CCDC91: variants seen among roughly 807,000 people sequenced by gnomAD.
CCDC91 encodes the protein coiled-coil domain containing 91.
CCDC91 carries 48 observed loss-of-function variants against 63.2 expected under a neutral mutation model. That is an observed-to-expected ratio of 0.76 (90% CI 0.60 to 0.97). The LOEUF (loss-of-function observed/expected upper bound fraction) is 0.97, where lower values mean the gene tolerates loss of function less well. CCDC91 is among the 50% of genes least tolerant of loss of function. CCDC91 has a pLI of 0.00. For synonymous variants in CCDC91, 167 were observed against 165.8 expected, an observed-to-expected ratio of 1.01 and a Z score of -0.06; for missense variants, 500 against 494.6, an observed-to-expected ratio of 1.01 and a Z score of -0.10.
At chr12:28,367,854 T>C (rs1944373993) in intron 7 of CCDC91, among the ~76,000 whole-genome samples, 1 of 152,142 alleles carries the variant, frequency 6.6e-6, no homozygotes, top group South Asian at 2.1e-4. Context: ...CCCTCCATAA[T>C]GTAGGTGGGC....
At chr12:28,346,305 T>G (rs796968420) in intron 6 of CCDC91, among the ~76,000 whole-genome samples, 7 of 152,330 alleles carry the variant, frequency 4.6e-5, no homozygotes, top group African/African-American at 1.7e-4. Context: ...GCCTTGACTT[T>G]TAGAAGTGTT....
chr12:28,274,282 C>A (rs548462582), intron 3 of CCDC91, among the ~76,000 whole-genome samples: 26 of 152,062 alleles, frequency 1.7e-4, no homozygotes, highest in Non-Finnish European at 3.4e-4. Context: ...CATGATGCCT[C>A]CAGCTTTGTT....
intron 8 of CCDC91, among the ~76,000 whole-genome samples, chr12:28,407,964 A>AT (rs752189980): frequency 1.3e-3 from 170 of 127,146 alleles, no homozygotes; most frequent in South Asian, 7.1e-3. Flanking sequence ...ATATATATAT[A>AT]TTTTTTTTAT....
At chr12:28,216,580 T>G (rs894429541) in intron 1 of CCDC91, among the ~76,000 whole-genome samples, 1 of 152,016 alleles carries the variant, frequency 6.6e-6, no homozygotes, top group Non-Finnish European at 1.5e-5. Context: ...TGGTTTTGTA[T>G]GTAGAGAAGT....
intron 3 of CCDC91, among the ~76,000 whole-genome samples, chr12:28,269,141 G>T (rs1325101052): frequency 2.0e-5 from 3 of 151,968 alleles, no homozygotes; most frequent in Admixed American, 6.6e-5. Context: ...TATTTTAAAT[G>T]AACTTATACT....
intron 3 of CCDC91, among the ~76,000 whole-genome samples, chr12:28,268,323 A>C (rs936002661): frequency 6.6e-6 from 1 of 151,956 alleles, no homozygotes; most frequent in African/African-American, 2.4e-5. Context: ...TCGGCTTCCC[A>C]AAGTGCTAGG....
intron 11 of CCDC91, among the ~76,000 whole-genome samples, chr12:28,480,946 C>T (rs1228312842): frequency 6.6e-6 from 1 of 151,900 alleles, no homozygotes; most frequent in Non-Finnish European, 1.5e-5. Context: ...TAAAGCATAA[C>T]TATACTTTTA....
rs550138276 is a variant in CCDC91, at chr12:28,272,342, G to A, written c.109+12900G>A. On this transcript the variant is annotated intron_variant, in intron 3 of 12. Coordinates refer to ENST00000536442, the MANE Select transcript of CCDC91 (RefSeq NM_018318.5). Reference sequence around the variant, plus strand: ...TTATTACTTCTGAAAATTCTTGGCCGTTGTTTTTACCAATGTTGTTGTTGC... The same window carrying A: ...TTATTACTTCTGAAAATTCTTGGCCATTGTTTTTACCAATGTTGTTGTTGC... 7.6e-4 allele frequency among the ~76,000 whole-genome samples: 114 copies of A among 150,004 alleles called. 3 individuals carry two copies. The South Asian group carries it at 0.023, about 30-fold the overall frequency.
chr12:28,279,631 G>A (rs1176567055), intron 3 of CCDC91, among the ~76,000 whole-genome samples: 1 of 151,908 alleles, frequency 6.6e-6, no homozygotes, highest in African/African-American at 2.4e-5. Flanking sequence ...TGGTCCTCCA[G>A]CTCTTTCAAT....
chr12:28,489,173 T>C (rs1189158063), intron 12 of CCDC91, among the ~76,000 whole-genome samples: 1 of 151,914 alleles, frequency 6.6e-6, no homozygotes, highest in East Asian at 1.9e-4. Flanking sequence ...CCCTTTAAAA[T>C]TTTTATTCGC....
chr12:28,491,847 AGAAGTCAAAAATTTTGTGTGTGT>A (rs1952018952), intron 12 of CCDC91, among the ~76,000 whole-genome samples: 1 of 144,482 alleles, frequency 6.9e-6, no homozygotes, highest in African/African-American at 2.6e-5. Context: ...AGCCATCCTT[AGAAGTCAAAAATTTTGTGTGTGT>A]GTGTGTGTGT....
At chr12:28,232,828 A>T (rs1296717959) in intron 1 of CCDC91, among the ~76,000 whole-genome samples, 1 of 152,046 alleles carries the variant, frequency 6.6e-6, no homozygotes, top group Non-Finnish European at 1.5e-5. Flanking sequence ...CCATTACTCA[A>T]AAATTAGCTG....
At chr12:28,502,009 A>G (rs1218114194) in intron 12 of CCDC91, among the ~76,000 whole-genome samples, 1 of 151,986 alleles carries the variant, frequency 6.6e-6, no homozygotes, top group Admixed American at 6.6e-5. Flanking sequence ...TGTTTGTAGT[A>G]TTCTCTGATG....
At chr12:28,445,315 T>G (rs925944429) in intron 8 of CCDC91, among the ~76,000 whole-genome samples, 1 of 151,590 alleles carries the variant, frequency 6.6e-6, no homozygotes, top group African/African-American at 2.4e-5. Context: ...TTAGTCCCCC[T>G]CCCCCACAAA....
chr12:28,439,733 C>CTTTTTTTTTT (rs71438747), intron 8 of CCDC91, among the ~76,000 whole-genome samples: 1 of 133,042 alleles, frequency 7.5e-6, no homozygotes, highest in Non-Finnish European at 1.6e-5. Flanking sequence ...TTTCTTTTTT[C>CTTTTTTTTTT]TTTTTTTTTT....
chr12:28,479,925 TTGTTGACTCATGTAAAGAC>T (rs1218400337), intron 11 of CCDC91, among the ~76,000 whole-genome samples: 1 of 151,988 alleles, frequency 6.6e-6, no homozygotes, highest in African/African-American at 2.4e-5. Context: ...AAGACTGTGT[TTGTTGACTCATGTAAAGAC>T]TATATAAATG....
At chr12:28,294,538 C>T (rs1949440727) in intron 3 of CCDC91, among the ~76,000 whole-genome samples, 1 of 152,120 alleles carries the variant, frequency 6.6e-6, no homozygotes, top group South Asian at 2.1e-4. Context: ...TTGCAAGCTT[C>T]CTGAGGCATC....
intron 12 of CCDC91, among the ~76,000 whole-genome samples, chr12:28,513,713 A>T (rs1223388349): frequency 1.3e-5 from 2 of 151,750 alleles, no homozygotes; most frequent in Non-Finnish European, 3.0e-5. Context: ...AAACATTTGT[A>T]TTTGATTTTC....
chr12:28,524,555 A>G (rs1364269624), intron 12 of CCDC91, among the ~76,000 whole-genome samples: 3 of 152,022 alleles, frequency 2.0e-5, no homozygotes, highest in African/African-American at 7.2e-5. Context: ...ATTGGTCGGT[A>G]GTTTTCTTTT....
Sources: allele counts gnomAD v4.1 joint callset (sites outside exome capture counted in the v4.1 genomes callset), GRCh38; gene constraint gnomAD v4.1.1; transcripts MANE v1.5; gene names NCBI Gene and HGNC (gene_info 2026-07-23, HGNC 2026-07-21).